The following CSK variants were observed in gnomAD, a reference collection of about 807,000 sequenced individuals.
CSK encodes the protein tyrosine-protein kinase CSK.
A neutral mutation model predicts 62.3 loss-of-function variants in CSK; 7 were observed. The ratio of observed to expected loss-of-function variants is 0.11; its 90% CI spans 0.06 to 0.21. CSK has a LOEUF of 0.21. Ranked by LOEUF, CSK falls within the 10% of genes least tolerant of loss-of-function variation. The pLI is 1.00. For synonymous variants in CSK, 237 were observed against 246.0 expected (o/e 0.96, Z 0.34); for missense variants, 294 against 613.5 (o/e 0.48, Z 5.50).
intron 4 of CSK, 138 bp downstream of exon 4, chr15:74,799,076 G>C: frequency 1.0e-6 from 1 of 978,582 alleles, no homozygotes; most frequent in Admixed American, 2.9e-5. Flanking sequence ...GTGCGGGTGC[G>C]GGACCTCACA....
chr15:74,798,927 C>A lies in CSK; in HGVS notation c.231C>A (p.Leu77=). 6.6e-7 allele frequency: 1 copy of A among 1,526,178 alleles called. No homozygotes were observed. Among genetic ancestry groups the A allele is most frequent in the South Asian group, 1.3e-5 (1 of 76,754 alleles). The allele number at this position is 1,526,178 out of a possible 1,614,324, so 94.5% of individuals were successfully genotyped here. A position where few individuals can be genotyped will look rare whatever the true frequency, so the allele number is the denominator to read the frequency against. Residue 77 remains leucine, a synonymous_variant, in exon 4 of 13, where the codon CTC becomes CTA. Coordinates refer to ENST00000220003, the MANE Select transcript of CSK (RefSeq NM_004383.3). The surrounding 1 kb of genome is among the most constrained non-coding windows in gnomAD (Gnocchi z 6.6). The part of the protein sequence containing the change: ...KREGVKAGTK[L]SLMPWFHGKI... ...AGGGCGTGAAGGCGGGTACCAAACT[C>A]AGCCTCATGCCGTGAGTACCACGAG...
intron 1 of CSK, among the ~76,000 whole-genome samples, chr15:74,796,704 C>T (rs1213563603): frequency 6.6e-6 from 1 of 152,058 alleles, no homozygotes; most frequent in Non-Finnish European, 1.5e-5. Flanking sequence ...GTGTGCCGAT[C>T]GCAATGGTAC....
intron 1 of CSK, among the ~76,000 whole-genome samples, chr15:74,784,599 A>C (rs1405137587): frequency 6.6e-6 from 1 of 152,164 alleles, no homozygotes; most frequent in Non-Finnish European, 1.5e-5. Flanking sequence ...AGGAAAAAGC[A>C]GAAAATGTTC....
At chr15:74,785,787 AC>A (rs1232555165) in intron 1 of CSK, among the ~76,000 whole-genome samples, 1 of 151,306 alleles carries the variant, frequency 6.6e-6, no homozygotes, top group Non-Finnish European at 1.5e-5. Flanking sequence ...CCCCTGTGAA[AC>A]CCCCTGGCCC....
Position 74,798,987 on chromosome 15 carries a change from T to G in CSK, c.242+49T>G. 1 of 1,440,186 alleles carries G rather than the reference T, an allele frequency of 6.9e-7. No homozygotes were observed. The highest frequency in any genetic ancestry group is 9.2e-7 in the Non-Finnish European group (1 of 1,092,402). 89.2% of individuals were successfully genotyped at this position (1,440,186 alleles called of 1,614,324 possible). ...GGGAGGGAAGGGGCCTTGGTCCTCC[T>G]GAAGGAGCATCAGGAGCAAGCAGGG... On this transcript the variant is annotated intron_variant, in intron 4 of 12. Transcript: ENST00000220003. The surrounding 1 kb of genome is among the most constrained non-coding windows in gnomAD (Gnocchi z 6.6).
chr15:74,799,914 C>T (rs1465578092), intron 5 of CSK, among the ~76,000 whole-genome samples: 4 of 152,208 alleles, frequency 2.6e-5, no homozygotes, highest in Non-Finnish European at 5.9e-5. Context: ...GCCCCTGAGG[C>T]TCTCGCACCT....
chr15:74,796,392 GGAAAGGAAGGCA>G (rs1438701096), intron 1 of CSK, among the ~76,000 whole-genome samples: 1 of 151,950 alleles, frequency 6.6e-6, no homozygotes, highest in African/African-American at 2.4e-5. Context: ...CGGAGGAGGT[GGAAAGGAAGGCA>G]GAAAAGGCAG....
At chr15:74,783,217 C>A (rs932137967) in intron 1 of CSK, among the ~76,000 whole-genome samples, 2 of 152,230 alleles carry the variant, frequency 1.3e-5, no homozygotes, top group African/African-American at 4.8e-5. Flanking sequence ...GGTCCTAGGA[C>A]TGAGCCTGTC....
At chr15:74,786,013 T>TTTTGTGTGTGTGTGTGTGTG in intron 1 of CSK, among the ~76,000 whole-genome samples, 7 of 47,838 alleles carry the variant, frequency 1.5e-4, no homozygotes, top group Admixed American at 4.4e-4. Flanking sequence ...TTTTTTTTTT[T>TTTTGTGTGTGTGTGTGTGTG]TGTGTGTGTG....
chr15:74,801,407 C>G (rs1231338739), intron 9 of CSK, 115 bp from the exon 10 acceptor site: 8 of 1,021,738 alleles, frequency 7.8e-6, no homozygotes, highest in Non-Finnish European at 1.2e-5. Context: ...CCTCCCCACT[C>G]CTTCCCTGTC....
At chr15:74,797,224 T>C (rs1174408865) in intron 1 of CSK, among the ~76,000 whole-genome samples, 1 of 152,194 alleles carries the variant, frequency 6.6e-6, no homozygotes, top group Non-Finnish European at 1.5e-5. Context: ...AGATTACAGG[T>C]GTGAGCCACT....
chr15:74,800,789 G>T (rs185393744), intron 7 of CSK, 34 bp from the exon 8 acceptor site: 1 of 1,596,602 alleles, frequency 6.3e-7, no homozygotes, highest in Non-Finnish European at 8.5e-7. Flanking sequence ...GAGGGACTCC[G>T]AACTTGGGAA....
At chr15:74,792,339 C>T (rs565330540) in intron 1 of CSK, among the ~76,000 whole-genome samples, 1 of 152,142 alleles carries the variant, frequency 6.6e-6, no homozygotes, top group South Asian at 2.1e-4. Flanking sequence ...AAGGGAATGG[C>T]AAGGCGGGGA....
In CSK at chr15:74,802,760, G is replaced by C. The variant is rs965230370; in HGVS notation, c.*247G>C. On this transcript the variant is annotated 3_prime_UTR_variant, in exon 13 of 13. Transcript: ENST00000220003. ...GCGGGAGGCAGCGCCCCACCACGTC[G>C]GGCTTCCCTGGCCTCCCGCCACTCG... The C allele has an allele frequency of 4.4e-6, 2 of 457,606 alleles. No individual in the cohort carries two copies. Among genetic ancestry groups the C allele is most frequent in the African/African-American group, 2.1e-5 (1 of 48,626 alleles). 28.3% of individuals were successfully genotyped at this position (457,606 alleles called of 1,614,324 possible). A position where few individuals can be genotyped will look rare whatever the true frequency, so the allele number is the denominator to read the frequency against.
Position 74,798,769 on chromosome 15 carries a change from C to T in CSK, c.129+41C>T. The T allele has an allele frequency of 6.2e-7, 1 of 1,605,898 alleles. No individual in the cohort carries two copies. Among genetic ancestry groups the T allele is most frequent in the Non-Finnish European group, 8.5e-7 (1 of 1,173,806 alleles). Reference sequence around the variant, plus strand: ...CCACCCCACCATCCCACTGCTGGGCCTTCCCTCTGCAGGGGGAGGTGGGCC... The same window carrying T: ...CCACCCCACCATCCCACTGCTGGGCTTTCCCTCTGCAGGGGGAGGTGGGCC... On this transcript the variant is annotated intron_variant, in intron 3 of 12. Coordinates refer to ENST00000220003, the MANE Select transcript of CSK (RefSeq NM_004383.3). The surrounding 1 kb of genome is among the most constrained non-coding windows in gnomAD (Gnocchi z 6.6).
rs987781536 is a variant in CSK at position 74,799,436 on chromosome 15, G to A, written c.407G>A (p.Ser136Asn). 1.2e-6 allele frequency: 2 copies of A among 1,613,580 alleles called. No homozygotes were observed. Among genetic ancestry groups the A allele is most frequent in the South Asian group, 1.1e-5 (1 of 91,080 alleles). The change falls in exon 5 of 13, where the codon AGC becomes AAC. Residue 136 changes from serine (S) to asparagine (N), a missense_variant. Ser to Asn is a conservative substitution (Grantham distance 46). Around this residue, in one of 3 missense-constraint regions of CSK, gnomAD observed 202 missense variants for 415.7 expected, o/e 0.49. Coordinates refer to ENST00000220003, the MANE Select transcript of CSK (RefSeq NM_004383.3). ...VEHYRIMYHA[S>N]KLSIDEEVYF... is the part of the protein sequence containing the mutation. ...CACTACCGCATCATGTACCATGCCA[G>A]CAAGCTCAGCATCGACGAGGAGGTG...
chr15:74,800,716 C>T lies in CSK; in HGVS notation c.592C>T (p.Leu198=). ...WALNMKELKL[L]QTIGKGEFGD... The stretch of plus-strand genomic sequence containing the variant: ...CCTGAACATGAAGGAGCTGAAGCTG[C>T]TGCAGACCATCGGGAAGGGGGAGTT... Residue 198 remains leucine (L), a synonymous_variant, in exon 7 of 13, where the codon CTG becomes TTG. Coordinates refer to ENST00000220003, the MANE Select transcript of CSK (RefSeq NM_004383.3). 1 of 1,567,692 alleles carries T rather than the reference C, an allele frequency of 6.4e-7. No homozygotes were observed.
At position 74,801,055 on chromosome 15, in the gene CSK, G is replaced by C. The variant is rs766534464; in HGVS notation, c.766G>C (p.Val256Leu). The change falls in exon 9 of 13, where the codon GTG becomes CTG. Residue 256 changes from valine to leucine, a missense_variant. Coordinates refer to ENST00000220003, the MANE Select transcript of CSK (RefSeq NM_004383.3). ...CCTGGTGCAGCTCCTGGGCGTGATC[G>C]TGGAGGAGAAGGGCGGGCTCTACAT... The part of the protein sequence containing the change: ...SNLVQLLGVI[V>L]EEKGGLYIVT... 2 of 1,613,282 alleles carry C rather than the reference G, an allele frequency of 1.2e-6. No homozygotes were observed. Among genetic ancestry groups the C allele is most frequent in the Non-Finnish European group, 1.7e-6 (2 of 1,180,016 alleles).
chr15:74,796,889 A>G (rs192056264), intron 1 of CSK, among the ~76,000 whole-genome samples: 3 of 152,268 alleles, frequency 2.0e-5, no homozygotes, highest in African/African-American at 7.2e-5. Context: ...GGAATTACAT[A>G]ATATGTACTT....
Sources: gnomAD v4.1 joint callset for allele counts (sites outside exome capture counted in the v4.1 genomes callset) on GRCh38, gnomAD v4.1.1 for gene constraint, gnomAD v4.1.1 regional missense constraint, Gnocchi (gnomAD v3.1) non-coding constraint, MANE v1.5 for transcripts, NCBI Gene and HGNC (gene_info 2026-07-23, HGNC 2026-07-21) for gene names.